Variants in OTULINL observed in about 807,000 individuals in gnomAD.
OTULINL encodes inactive ubiquitin thioesterase OTULINL.
OTULINL carries 42 observed loss-of-function variants against 43.9 expected under a neutral mutation model. The observed-to-expected ratio is 0.96, with a 90% CI of 0.75 to 1.24. OTULINL has a LOEUF of 1.24. OTULINL is among the 50% of genes most tolerant of loss of function. The pLI is 0.00. For missense variants in OTULINL, 411 were observed against 426.4 expected, an observed-to-expected ratio of 0.96 and a Z score of 0.32; for synonymous variants, 172 against 153.6, an observed-to-expected ratio of 1.12 and a Z score of -0.88.
At chr5:14,582,815 A>G (rs1310184941) in intron 1 of OTULINL, among the ~76,000 whole-genome samples, 1 of 47,956 alleles carries the variant, frequency 2.1e-5, no homozygotes, top group Non-Finnish European at 3.6e-5. Context: ...TGCTCTGTCC[A>G]AAAAAAAAAA....
intron 1 of OTULINL, among the ~76,000 whole-genome samples, chr5:14,596,471 A>G (rs556127274): frequency 6.6e-6 from 1 of 152,304 alleles, no homozygotes; most frequent in East Asian, 1.9e-4. Context: ...GTTTTGCAAG[A>G]TGTCTCATTA....
chr5:14,594,415 G>A (rs1759253638), intron 1 of OTULINL, among the ~76,000 whole-genome samples: 1 of 152,220 alleles, frequency 6.6e-6, no homozygotes, highest in African/African-American at 2.4e-5. Flanking sequence ...AAGGCTCCCA[G>A]CTTTTCCCTG....
At position 14,616,032 on chromosome 5, in the gene OTULINL, C is replaced by G. The variant is rs140931845; in HGVS notation, c.*5718C>G. On this transcript the variant is annotated 3_prime_UTR_variant, in exon 8 of 8. Coordinates refer to ENST00000274217, the MANE Select transcript of OTULINL (RefSeq NM_019018.3). ...TGGTAAAGGATGAGTTTTAAAAATT[C>G]TAATCCTTTGCAGGTTGGTAGTTTT... 6.6e-6 allele frequency among the ~76,000 whole-genome samples: 1 copy of G among 152,288 alleles called. No homozygotes were observed. Among genetic ancestry groups the G allele is most frequent in the African/African-American group, 2.4e-5 (1 of 41,564 alleles).
intron 1 of OTULINL, among the ~76,000 whole-genome samples, chr5:14,593,882 A>G (rs1759245047): frequency 6.6e-6 from 1 of 152,170 alleles, no homozygotes; most frequent in Non-Finnish European, 1.5e-5. Context: ...CTGATAGCAT[A>G]AGTGGGTTGC....
At position 14,616,009 on chromosome 5, in the gene OTULINL, G is replaced by T. The variant is rs1177829420; in HGVS notation, c.*5695G>T. On this transcript the variant is annotated 3_prime_UTR_variant, in exon 8 of 8. Transcript: ENST00000274217. The stretch of plus-strand genomic sequence containing the variant: ...AACAGTGCTTTTTAAACTATCCATG[G>T]TAAAGGATGAGTTTTAAAAATTCTA... 6.6e-6 allele frequency among the ~76,000 whole-genome samples: 1 copy of T among 152,140 alleles called. No homozygotes were observed. Among genetic ancestry groups the T allele is most frequent in the Admixed American group, 6.5e-5 (1 of 15,276 alleles).
rs1759527805 is a variant in OTULINL, at chr5:14,608,999, C to G, written c.879C>G (p.Asp293Glu). The G allele has an allele frequency of 1.9e-6, 3 of 1,612,730 alleles. No homozygotes were observed. The highest frequency in any genetic ancestry group is 2.5e-6 in the Non-Finnish European group (3 of 1,179,254). Reference protein sequence around the residue: ...FMMNHLNSVGDTCGLEQIDMF... With the variant: ...FMMNHLNSVGETCGLEQIDMF... Reference sequence around the variant, plus strand: ...TGAATCACCTGAATTCTGTAGGCGACACATGTGGACTAGAGCAGGTAACCG... The same window carrying G: ...TGAATCACCTGAATTCTGTAGGCGAGACATGTGGACTAGAGCAGGTAACCG... Residue 293 changes from aspartate to glutamate, a missense_variant, in exon 7 of 8, where the codon GAC (aspartate) becomes GAG (glutamate). Coordinates refer to ENST00000274217, the MANE Select transcript of OTULINL (RefSeq NM_019018.3).
intron 1 of OTULINL, among the ~76,000 whole-genome samples, chr5:14,596,839 C>T (rs745747144): frequency 1.3e-5 from 2 of 152,072 alleles, no homozygotes; most frequent in African/African-American, 4.8e-5. Flanking sequence ...GAGGGCGTCA[C>T]GTGGTGAGAG....
intron 1 of OTULINL, among the ~76,000 whole-genome samples, chr5:14,597,988 G>A (rs1232180381): frequency 6.6e-6 from 1 of 152,186 alleles, no homozygotes; most frequent in African/African-American, 2.4e-5. Context: ...GTATATGTGA[G>A]TGGGGAGAGC....
intron 1 of OTULINL, among the ~76,000 whole-genome samples, chr5:14,599,892 G>A (rs898652501): frequency 6.6e-6 from 1 of 152,162 alleles, no homozygotes; most frequent in Non-Finnish European, 1.5e-5. Flanking sequence ...TAGATCTCAT[G>A]ACTCCTTTTA....
rs1759590455 is a variant in OTULINL, at chr5:14,611,959, CGT to C, written c.*1650_*1651del. 3.9e-5 allele frequency: 6 copies of C among 152,152 alleles called. No homozygotes were observed. Among genetic ancestry groups the C allele is most frequent in the Admixed American group, 3.9e-4 (6 of 15,262 alleles). The allele number at this position is 152,152 out of a possible 1,614,324, so 9.4% of individuals were successfully genotyped here. A position where few individuals can be genotyped will look rare whatever the true frequency, so the allele number is the denominator to read the frequency against. On this transcript the variant is annotated 3_prime_UTR_variant, in exon 8 of 8. Transcript: ENST00000274217. Reference sequence around the variant, plus strand: ...TTCTTTTGCAATGGGGATGATCAGTCGTGTGTACTACATGAACCATGTCTGAT... The same window carrying C: ...TTCTTTTGCAATGGGGATGATCAGTCGTGTACTACATGAACCATGTCTGAT...
chr5:14,601,169 T>C (rs1579923428), intron 2 of OTULINL, 44 bp from the exon 3 acceptor site: 2 of 1,612,260 alleles, frequency 1.2e-6, no homozygotes, highest in Non-Finnish European at 1.7e-6. Flanking sequence ...ATCTTTACTA[T>C]TCAAAGCAGA....
Position 14,610,230 on chromosome 5 carries a change from C to T in OTULINL, c.987C>T (p.Cys329=), listed in dbSNP as rs1302165678. The T allele has an allele frequency of 6.2e-7, 1 of 1,613,962 alleles. No individual in the cohort carries two copies. The highest frequency in any genetic ancestry group is 1.1e-5 in the South Asian group (1 of 91,074). ...FKFNSRDFEV[C]YPEEPLRDWP... Reference sequence around the variant, plus strand: ...TTAACTCCAGAGACTTTGAAGTCTGCTACCCAGAGGAGCCTCTCAGGGACT... The same window carrying T: ...TTAACTCCAGAGACTTTGAAGTCTGTTACCCAGAGGAGCCTCTCAGGGACT... The change falls in exon 8 of 8, where the codon TGC becomes TGT. Residue 329 remains cysteine, a synonymous_variant. Coordinates refer to ENST00000274217, the MANE Select transcript of OTULINL (RefSeq NM_019018.3).
intron 1 of OTULINL, among the ~76,000 whole-genome samples, chr5:14,596,491 C>T (rs1389550617): frequency 6.6e-6 from 1 of 152,140 alleles, no homozygotes; most frequent in Non-Finnish European, 1.5e-5. Context: ...ACGGTGTTTT[C>T]TTCTGTATCA....
chr5:14,611,368 T>C lies in OTULINL; in HGVS notation c.*1054T>C, dbSNP rs1427502537. On this transcript the variant is annotated 3_prime_UTR_variant, in exon 8 of 8. Coordinates refer to ENST00000274217, the MANE Select transcript of OTULINL (RefSeq NM_019018.3). ...GTCAGAGTCAGAGGGGAATGTGAAATATGGAAGAACGGTTAGAGAGAGATG... is the reference window on the plus strand; with the variant it reads ...GTCAGAGTCAGAGGGGAATGTGAAACATGGAAGAACGGTTAGAGAGAGATG... 6.6e-6 allele frequency: 1 copy of C among 152,078 alleles called. No individual in the cohort carries two copies. Among genetic ancestry groups the C allele is most frequent in the Non-Finnish European group, 1.5e-5 (1 of 68,040 alleles). The allele number at this position is 152,078 out of a possible 1,614,324, so 9.4% of individuals were successfully genotyped here. A position where few individuals can be genotyped will look rare whatever the true frequency, so the allele number is the denominator to read the frequency against.
intron 5 of OTULINL, among the ~76,000 whole-genome samples, chr5:14,605,891 G>A (rs898175379): frequency 6.6e-6 from 1 of 152,032 alleles, no homozygotes; most frequent in African/African-American, 2.4e-5. Context: ...AAGTCTCTAG[G>A]GTCTTCCAAA....
chr5:14,602,454 T>C lies in OTULINL; in HGVS notation c.498+122T>C, dbSNP rs1759405420. 5 of 885,004 alleles carry C rather than the reference T, an allele frequency of 5.6e-6. No homozygotes were observed. The South Asian group carries it at 8.8e-5, about 16-fold the overall frequency. The allele number at this position is 885,004 out of a possible 1,614,324, so 54.8% of individuals were successfully genotyped here. ...AGATTGAAGAGATTTTTTTGTTTTT[T>C]TGAGACAAGATCTCACTGTCACCCA... On this transcript the variant is annotated intron_variant, in intron 5 of 7. Transcript: ENST00000274217.
intron 1 of OTULINL, among the ~76,000 whole-genome samples, chr5:14,594,640 G>A (rs1057031134): frequency 6.6e-6 from 1 of 152,182 alleles, no homozygotes; most frequent in Non-Finnish European, 1.5e-5. Context: ...AGGGGTCTGG[G>A]GAAGGGAGCG....
intron 1 of OTULINL, among the ~76,000 whole-genome samples, chr5:14,585,343 T>TCTG (rs1553989157): frequency 6.6e-6 from 1 of 151,620 alleles, no homozygotes; most frequent in Non-Finnish European, 1.5e-5. Flanking sequence ...CATAGTTGAT[T>TCTG]TTGTTGTTGT....
intron 1 of OTULINL, among the ~76,000 whole-genome samples, chr5:14,587,364 G>T (rs1759124906): frequency 6.6e-6 from 1 of 152,224 alleles, no homozygotes; most frequent in African/African-American, 2.4e-5. Context: ...TGGAAGAGAT[G>T]GCAAGCCAGT....
Sources: allele counts gnomAD v4.1 joint callset (sites outside exome capture counted in the v4.1 genomes callset), GRCh38; gene constraint gnomAD v4.1.1; transcripts MANE v1.5; gene names NCBI Gene and HGNC (gene_info 2026-07-23, HGNC 2026-07-21).